Variants in KCNQ2 observed in about 807,000 individuals in gnomAD.
The protein encoded by KCNQ2 is potassium voltage-gated channel subfamily Q member 2, also known as potassium voltage-gated channel subfamily KQT member 2.
In KCNQ2, 14 loss-of-function variants were observed where a neutral mutation model predicts 84.8. That is an observed-to-expected ratio of 0.17 (90% CI 0.11 to 0.26). The LOEUF (loss-of-function observed/expected upper bound fraction) is 0.26, where lower values mean the gene tolerates loss of function less well. Among genes scored for constraint, KCNQ2 ranks in the 10% least tolerant of loss-of-function variants. The pLI is 1.00. For missense variants in KCNQ2, 788 were observed against 1,254.0 expected, an observed-to-expected ratio of 0.63 and a Z score of 5.61; for synonymous variants, 599 against 554.1, an observed-to-expected ratio of 1.08 and a Z score of -1.14.
intron 9 of KCNQ2, 96 bp downstream of exon 9, chr20:63,431,243 GT>G: frequency 7.2e-7 from 1 of 1,382,304 alleles, no homozygotes; most frequent in Non-Finnish European, 1.0e-6. Context: ...TGCAGACCGG[GT>G]GGGCCACGGG....
At chr20:63,462,624 G>A (rs1007421341) in intron 1 of KCNQ2, among the ~76,000 whole-genome samples, 5 of 152,194 alleles carry the variant, frequency 3.3e-5, no homozygotes, top group African/African-American at 9.7e-5. Context: ...TTGGTCCTTT[G>A]GGATGAGAAC....
At chr20:63,465,211 C>T (rs770169848) in intron 1 of KCNQ2, among the ~76,000 whole-genome samples, 28 of 152,232 alleles carry the variant, frequency 1.8e-4, no homozygotes, top group Non-Finnish European at 3.2e-4. Context: ...ATTAAAAGCA[C>T]GACCCATCCC....
At chr20:63,445,501 A>C (rs1600790132) in intron 2 of KCNQ2, 137 bp from the exon 3 acceptor site, 2 of 398,906 alleles carry the variant, frequency 5.0e-6, no homozygotes, top group East Asian at 3.9e-5. Flanking sequence ...CTGCAAGCTG[A>C]CCCCCCCACC....
At chr20:63,454,389 C>T (rs1316163060) in intron 1 of KCNQ2, among the ~76,000 whole-genome samples, 2 of 152,208 alleles carry the variant, frequency 1.3e-5, no homozygotes, top group Non-Finnish European at 2.9e-5. Flanking sequence ...GCGGCCGGTG[C>T]AGGGGAGGCA....
chr20:63,405,074 A>T lies in KCNQ2; in HGVS notation c.*1570T>A, dbSNP rs2079897622. 2 of 152,234 alleles carry T rather than the reference A, an allele frequency of 1.3e-5. No homozygotes were observed. The highest frequency in any genetic ancestry group is 2.4e-5 in the African/African-American group (1 of 41,442). The allele number at this position is 152,234 out of a possible 1,614,324, so 9.4% of individuals were successfully genotyped here. On this transcript the variant is annotated 3_prime_UTR_variant, in exon 17 of 17. Transcript: ENST00000359125. ...CGTACGACCCTCAAATGCTGCTTTC[A>T]AAGTCCTCTCCCTCAGGACTGGTTC...
chr20:63,451,897 G>A (rs949023241), intron 1 of KCNQ2, among the ~76,000 whole-genome samples: 2 of 152,250 alleles, frequency 1.3e-5, no homozygotes, highest in African/African-American at 2.4e-5. Flanking sequence ...GGCCCAGGGC[G>A]TCCAGGGCAG....
Position 63,408,067 on chromosome 20 carries a change from C to T in KCNQ2, c.1887+346G>A, listed in dbSNP as rs1288112398. 2 of 338,904 alleles carry T rather than the reference C, an allele frequency of 5.9e-6. No homozygotes were observed. The highest frequency in any genetic ancestry group is 1.1e-5 in the Non-Finnish European group (2 of 175,452). 21.0% of individuals were successfully genotyped at this position (338,904 alleles called of 1,614,324 possible). Reference sequence around the variant, plus strand: ...CCCCAGAAGACAGCGGCCAGGGTGTCGGGCAAGGAGGACAGAGAGGAGGAA... The same window carrying T: ...CCCCAGAAGACAGCGGCCAGGGTGTTGGGCAAGGAGGACAGAGAGGAGGAA... On this transcript the variant is annotated intron_variant, in intron 16 of 16. Coordinates refer to ENST00000359125, the MANE Select transcript of KCNQ2 (RefSeq NM_172107.4). The surrounding 1 kb of genome is among the most constrained non-coding windows in gnomAD (Gnocchi z 5.0).
chr20:63,456,545 C>T (rs2081803488), intron 1 of KCNQ2, among the ~76,000 whole-genome samples: 1 of 152,194 alleles, frequency 6.6e-6, no homozygotes, highest in Non-Finnish European at 1.5e-5. Context: ...CACCCTCAGC[C>T]CCTGCCTCAG....
intron 7 of KCNQ2, 58 bp from the exon 8 acceptor site, chr20:63,433,961 G>A (rs2080910521): frequency 1.3e-6 from 2 of 1,511,812 alleles, no homozygotes; most frequent in Non-Finnish European, 1.8e-6. Context: ...GCGCGCCCAG[G>A]AGGGCCGGGC....
At chr20:63,445,168 C>T (rs998637243) in intron 3 of KCNQ2, 70 bp downstream of exon 3, 16 of 1,605,928 alleles carry the variant, frequency 1.0e-5, no homozygotes, top group South Asian at 9.9e-5. Context: ...GCCCCAGCTC[C>T]CCCCAGGGCT....
At position 63,425,869 on chromosome 20, in the gene KCNQ2, A is replaced by G. The variant is rs899524217; in HGVS notation, c.1218-1663T>C. Among the ~76,000 whole-genome samples, 1 of 152,210 alleles carries G rather than the reference A, an allele frequency of 6.6e-6. No individual in the cohort carries two copies. The highest frequency in any genetic ancestry group is 1.5e-5 in the Non-Finnish European group (1 of 68,036). ...CTCCATGCATGGGCTTGTGAACTAGAAAACAAGCCATCTGCTTAAAGTATC... is the reference window on the plus strand; with the variant it reads ...CTCCATGCATGGGCTTGTGAACTAGGAAACAAGCCATCTGCTTAAAGTATC... On this transcript the variant is annotated intron_variant, in intron 10 of 16. Transcript: ENST00000359125. This position sits in a 1 kb window ranked among gnomAD's most constrained non-coding sequence, Gnocchi z 5.5.
chr20:63,453,415 G>T lies in KCNQ2; in HGVS notation c.297-6578C>A. 2.6e-5 allele frequency among the ~76,000 whole-genome samples: 4 copies of T among 152,352 alleles called. No individual in the cohort carries two copies. In the South Asian group the frequency reaches 8.3e-4, roughly 32 times the overall value. On this transcript the variant is annotated intron_variant, in intron 1 of 16. Transcript: ENST00000359125. ...AAGCCGCGATTAATTTCCTGTGCTC[G>T]TTGGCCAAGTTCTTCAATTAACTGA...
chr20:63,431,985 G>GAAGTCCTCACCCACAGGA (rs1568912352), intron 8 of KCNQ2, among the ~76,000 whole-genome samples: 3 of 136,804 alleles, frequency 2.2e-5, no homozygotes, highest in Non-Finnish European at 5.0e-5. Flanking sequence ...CACCCGCAGG[G>GAAGTCCTCACCCACAGGA]AAGGCCCCAC....
intron 6 of KCNQ2, 72 bp downstream of exon 6, chr20:63,439,526 G>A (rs1302150207): frequency 6.2e-6 from 7 of 1,136,470 alleles, no homozygotes; most frequent in Non-Finnish European, 9.4e-6. Flanking sequence ...CTGTGCCCAG[G>A]GGCCTGTGGT....
intron 15 of KCNQ2, among the ~76,000 whole-genome samples, chr20:63,409,313 G>A (rs936217036): frequency 3.3e-5 from 5 of 152,252 alleles, no homozygotes; most frequent in East Asian, 1.9e-4. Context: ...GCACGTTTGC[G>A]TGTGTGCATG....
intron 11 of KCNQ2, among the ~76,000 whole-genome samples, chr20:63,421,451 C>A (rs999703269): frequency 1.3e-5 from 2 of 152,300 alleles, no homozygotes; most frequent in East Asian, 3.9e-4. Flanking sequence ...TGTGGGGGAC[C>A]CGTGCAGCTG....
chr20:63,447,848 C>T (rs547042153), intron 1 of KCNQ2, among the ~76,000 whole-genome samples: 1 of 152,292 alleles, frequency 6.6e-6, no homozygotes, highest in African/African-American at 2.4e-5. Context: ...GCTCCCGCCT[C>T]GGCCCCCCAA....
At position 63,414,045 on chromosome 20, in the gene KCNQ2, C is replaced by T; in HGVS notation, c.1631+43G>A. The T allele has an allele frequency of 1.4e-6, 2 of 1,461,158 alleles. No homozygotes were observed. Among genetic ancestry groups the T allele is most frequent in the Non-Finnish European group, 1.9e-6 (2 of 1,041,700 alleles). 90.5% of individuals were successfully genotyped at this position (1,461,158 alleles called of 1,614,324 possible). A position where few individuals can be genotyped will look rare whatever the true frequency, so the allele number is the denominator to read the frequency against. On this transcript the variant is annotated intron_variant, in intron 14 of 16. Coordinates refer to ENST00000359125, the MANE Select transcript of KCNQ2 (RefSeq NM_172107.4). The surrounding 1 kb of genome is among the most constrained non-coding windows in gnomAD (Gnocchi z 6.6). Reference sequence around the variant, plus strand: ...CAGGCAGGACCACCGAGCGGGAGGCCCCTCCTCACTCCCCCAGGCTCCCGG... The same window carrying T: ...CAGGCAGGACCACCGAGCGGGAGGCTCCTCCTCACTCCCCCAGGCTCCCGG...
At position 63,442,500 on chromosome 20, in the gene KCNQ2, A is replaced by C; in HGVS notation, c.722T>G (p.Leu241Arg). Residue 241 changes from leucine (L) to arginine (R), a missense_variant, in exon 5 of 17, where the codon CTT (leucine) becomes CGT (arginine). Leu to Arg is a moderately radical substitution (Grantham distance 102, BLOSUM62 -2). Transcript: ENST00000359125. ...CAGGAACGAGGCCAGGATGAGACAA[A>C]GGAAGCCGATGTACCAGGCAGTGAC... ...ELVTAWYIGF[L>R]CLILASFLVY... 1 of 1,613,584 alleles carries C rather than the reference A, an allele frequency of 6.2e-7. No homozygotes were observed. Among genetic ancestry groups the C allele is most frequent in the South Asian group, 1.1e-5 (1 of 91,060 alleles).
Sources: gnomAD v4.1 joint callset for allele counts (sites outside exome capture counted in the v4.1 genomes callset) on GRCh38, gnomAD v4.1.1 for gene constraint, Gnocchi (gnomAD v3.1) non-coding constraint, MANE v1.5 for transcripts, NCBI Gene and HGNC (gene_info 2026-07-23, HGNC 2026-07-21) for gene names.